Variants in MIER2 observed in about 807,000 individuals in gnomAD.
The protein encoded by MIER2 is mesoderm induction early response protein 2.
MIER2 carries 30 observed loss-of-function variants against 67.6 expected under a neutral mutation model. That is an observed-to-expected ratio of 0.44 (90% CI 0.33 to 0.60). The LOEUF (loss-of-function observed/expected upper bound fraction) is 0.60. Among genes scored for constraint, MIER2 ranks in the 20% least tolerant of loss-of-function variants. The pLI, the probability that MIER2 is intolerant of heterozygous loss-of-function variation, is 0.02. For synonymous variants in MIER2, 372 were observed against 312.6 expected (o/e 1.19, Z -2.00); for missense variants, 702 against 745.1 (o/e 0.94, Z 0.67).
chr19:334,190 G>T, intron 3 of MIER2: 1 of 609,886 alleles, frequency 1.6e-6, no homozygotes, highest in Non-Finnish European at 2.8e-6. Context: ...GAGAGCAGCT[G>T]GCTTAATCCT....
At chr19:344,036 T>G in intron 1 of MIER2, 1 of 985,436 alleles carries the variant, frequency 1.0e-6, no homozygotes, top group Non-Finnish European at 1.2e-6. Context: ...AAATTCTGGA[T>G]TCCAAAATAT....
chr19:344,412 GGCCGGGAACCGGA>G (rs1972645955), intron 1 of MIER2: 2 of 982,680 alleles, frequency 2.0e-6, no homozygotes, highest in African/African-American at 3.5e-5. Flanking sequence ...CCCGGGCCGG[GGCCGGGAACCGGA>G]GCCGGACCCT....
Position 307,432 on chromosome 19 carries a change from C to T in MIER2, c.1303G>A (p.Asp435Asn). 6.3e-7 allele frequency: 1 copy of T among 1,594,648 alleles called. No individual in the cohort carries two copies. Residue 435 changes from aspartate to asparagine, a missense_variant, in exon 13 of 14, where the codon GAT becomes AAT. Coordinates refer to ENST00000264819, the MANE Select transcript of MIER2 (RefSeq NM_017550.3). ...GACAGGGGTACAGCGGGGGACTCAT[C>T]CAGCTGCTGGAAGGAACACGGCCCT... is the stretch of plus-strand genomic sequence containing the variant. ...EPGPCSFQQL[D>N]ESPAVPLSHR...
At position 335,393 on chromosome 19, in the gene MIER2, G is replaced by C. The variant is rs140586500; in HGVS notation, c.100+690C>G. On this transcript the variant is annotated intron_variant, in intron 2 of 13. Transcript: ENST00000264819. ...CCCCAGCGGCAGGCACCTCGTTAGA[G>C]TGAGGGAATGACCTGGAGCTGAATG... Among the ~76,000 whole-genome samples the C allele has an allele frequency of 4.4e-3, 672 of 152,316 alleles. 4 individuals are homozygous for C. The highest frequency in any genetic ancestry group is 0.016 in the African/African-American group (646 of 41,564).
intron 1 of MIER2, 137 bp from the exon 2 acceptor site, chr19:336,310 G>A (rs1341162298): frequency 3.0e-6 from 2 of 675,188 alleles, no homozygotes; most frequent in African/African-American, 3.6e-5. Context: ...CTCCGCCTCT[G>A]AGGGCTGGGG....
intron 1 of MIER2, 77 bp from the exon 2 acceptor site, chr19:336,250 G>T: frequency 8.2e-7 from 1 of 1,225,178 alleles, no homozygotes; most frequent in Non-Finnish European, 1.2e-6. Context: ...GCAGCCAAGA[G>T]CAAGCGCTGG....
intron 1 of MIER2, among the ~76,000 whole-genome samples, chr19:336,421 T>C (rs1339950702): frequency 1.3e-5 from 2 of 152,172 alleles, no homozygotes; most frequent in Non-Finnish European, 2.9e-5. Context: ...AGGACATGCA[T>C]CATGTGACAC....
chr19:327,810 C>T, intron 4 of MIER2, 54 bp downstream of exon 4: 4 of 1,601,290 alleles, frequency 2.5e-6, no homozygotes, highest in South Asian at 2.2e-5. Context: ...AGAGGCAGCG[C>T]CAGGCCCCCC....
intron 3 of MIER2, among the ~76,000 whole-genome samples, chr19:331,537 C>T (rs1325922149): frequency 2.0e-5 from 3 of 151,886 alleles, no homozygotes; most frequent in Admixed American, 6.6e-5. Flanking sequence ...GGTGTGGTGG[C>T]GTGCGACTAT....
intron 1 of MIER2, among the ~76,000 whole-genome samples, chr19:341,840 A>T (rs918289028): frequency 1.3e-5 from 2 of 152,186 alleles, no homozygotes; most frequent in Admixed American, 1.3e-4. Flanking sequence ...GGCGTCCACC[A>T]GGGTCTTCAG....
intron 7 of MIER2, among the ~76,000 whole-genome samples, chr19:318,133 G>A (rs147968720): frequency 1.1e-3 from 175 of 152,352 alleles, no homozygotes; most frequent in African/African-American, 4.0e-3. Context: ...GAACCCGGGA[G>A]GCGGAGGCTG....
rs142985450 is a variant in MIER2, at chr19:327,142, G to C, written c.484C>G (p.Arg162Gly). Residue 162 changes from arginine to glycine, a missense_variant, in exon 5 of 14, where the codon CGG becomes GGG. By Grantham distance (125) the Arg-to-Gly change is moderately radical. Around this residue, in one of 3 missense-constraint regions of MIER2, gnomAD observed 320 missense variants for 292.6 expected, o/e 1.09. Coordinates refer to ENST00000264819, the MANE Select transcript of MIER2 (RefSeq NM_017550.3). ...SHEASDLFPN[R>G]SGSRFLADED... ...GGACAGAGTCACCTACATCCACTCC[G>C]GTTAGGGAAGAGGTCGGAGGCCTCG... 1.9e-6 allele frequency: 3 copies of C among 1,583,684 alleles called. No homozygotes were observed. Among genetic ancestry groups the C allele is most frequent in the Non-Finnish European group, 2.6e-6 (3 of 1,171,624 alleles).
chr19:324,054 CAATA>C (rs1971617579), intron 7 of MIER2, among the ~76,000 whole-genome samples: 1 of 135,920 alleles, frequency 7.4e-6, no homozygotes, highest in African/African-American at 3.0e-5. Context: ...CATCACAATG[CAATA>C]CACAAGACAC....
At chr19:310,721 T>A (rs907625845) in intron 10 of MIER2, among the ~76,000 whole-genome samples, 2 of 98,318 alleles carry the variant, frequency 2.0e-5, no homozygotes. Flanking sequence ...TATAGGAACA[T>A]GGCCCGGAGC....
chr19:342,249 C>T (rs1255417119), intron 1 of MIER2, among the ~76,000 whole-genome samples: 1 of 152,164 alleles, frequency 6.6e-6, no homozygotes, highest in Non-Finnish European at 1.5e-5. Flanking sequence ...ACCTGAGAAA[C>T]AAGTTCCACC....
At chr19:316,931 T>A (rs892644313) in intron 7 of MIER2, among the ~76,000 whole-genome samples, 1 of 152,072 alleles carries the variant, frequency 6.6e-6, no homozygotes, top group Non-Finnish European at 1.5e-5. Context: ...ATCACACCAC[T>A]GTACTCCAGC....
Position 313,638 on chromosome 19 carries a change from C to T in MIER2, c.661G>A (p.Glu221Lys). The T allele has an allele frequency of 1.2e-6, 2 of 1,610,952 alleles. No individual in the cohort carries two copies. The highest frequency in any genetic ancestry group is 1.7e-6 in the Non-Finnish European group (2 of 1,179,822). The change falls in exon 8 of 14, where the codon GAG becomes AAG. Residue 221 changes from glutamate (E) to lysine (K), a missense_variant. Physicochemically the swap from Glu to Lys is moderately conservative, Grantham distance 56. Coordinates refer to ENST00000264819, the MANE Select transcript of MIER2 (RefSeq NM_017550.3). ...TCCCAGAGCAGCTGGTCTTCGTTCTCGTAGACTGCACAAGCAGAGGGCAAA... is the reference window on the plus strand; with the variant it reads ...TCCCAGAGCAGCTGGTCTTCGTTCTTGTAGACTGCACAAGCAGAGGGCAAA... ...HLNRHCEKIY[E>K]NEDQLLWDPS...
At chr19:313,426 G>A in intron 8 of MIER2, 66 bp downstream of exon 8, 5 of 1,573,184 alleles carry the variant, frequency 3.2e-6, no homozygotes, top group Non-Finnish European at 3.4e-6. Flanking sequence ...GAGGCACTGG[G>A]GTGTGAGCTC....
chr19:335,975 G>A (rs1972233385), intron 2 of MIER2, 108 bp downstream of exon 2: 1 of 1,095,608 alleles, frequency 9.1e-7, no homozygotes, highest in Non-Finnish European at 1.4e-6. Context: ...CTGGACTCTG[G>A]AAGCCAGTGT....
Sources: allele counts gnomAD v4.1 joint callset (sites outside exome capture counted in the v4.1 genomes callset), GRCh38; gene constraint gnomAD v4.1.1; regional missense constraint gnomAD v4.1.1; transcripts MANE v1.5; gene names NCBI Gene and HGNC (gene_info 2026-07-23, HGNC 2026-07-21).